ZNF365: variants seen among roughly 807,000 people sequenced by gnomAD.
ZNF365 encodes protein ZNF365.
A neutral mutation model predicts 35.0 loss-of-function variants in ZNF365; 22 were observed. The ratio of observed to expected loss-of-function variants is 0.63; its 90% confidence interval spans 0.45 to 0.90. The LOEUF is 0.90. Among genes scored for constraint, ZNF365 ranks in the 40% least tolerant of loss-of-function variants. The pLI, the probability that ZNF365 is intolerant of heterozygous loss-of-function variation, is 0.00. For synonymous variants in ZNF365, 188 were observed against 196.2 expected (o/e 0.96, Z 0.35); for missense variants, 448 against 500.3 (o/e 0.90, Z 1.00).
chr10:62,392,454 C>T (rs889050243), intron 3 of ZNF365, among the ~76,000 whole-genome samples: 1 of 152,132 alleles, frequency 6.6e-6, no homozygotes, highest in Non-Finnish European at 1.5e-5. Context: ...TTCTTCTACA[C>T]GTGGCTTGCC....
At chr10:62,464,920 C>A (rs1213806998) in intron 4 of ZNF365, among the ~76,000 whole-genome samples, 1 of 152,226 alleles carries the variant, frequency 6.6e-6, no homozygotes, top group Non-Finnish European at 1.5e-5. Context: ...CAGAGCTGTG[C>A]ACTCTGCAGC....
chr10:62,473,043 C>T (rs1322138578), intron 4 of ZNF365, among the ~76,000 whole-genome samples: 2 of 152,026 alleles, frequency 1.3e-5, no homozygotes, highest in African/African-American at 4.8e-5. Flanking sequence ...GTTTTTATTT[C>T]GTTTCATCGG....
chr10:62,404,413 A>G (rs1839874864), downstream of ZNF365, among the ~76,000 whole-genome samples: 1 of 152,248 alleles, frequency 6.6e-6, no homozygotes, highest in Non-Finnish European at 1.5e-5. Flanking sequence ...TACTAAATGT[A>G]AAATTTCTAA....
intron 3 of ZNF365, among the ~76,000 whole-genome samples, chr10:62,409,699 A>G (rs1466931567): frequency 6.6e-6 from 1 of 152,140 alleles, no homozygotes. Flanking sequence ...GTTTGGCTCA[A>G]TAGCTTAAAC....
intron 4 of ZNF365, among the ~76,000 whole-genome samples, chr10:62,463,264 G>A (rs1198309208): frequency 1.3e-5 from 2 of 152,198 alleles, no homozygotes; most frequent in Admixed American, 6.5e-5. Flanking sequence ...AACTTGAATG[G>A]CTAATTACTG....
intron 3 of ZNF365, among the ~76,000 whole-genome samples, chr10:62,415,632 T>C (rs1158045542): frequency 6.6e-6 from 1 of 152,192 alleles, no homozygotes. Context: ...ATGAAAAGCA[T>C]GCTACTTTGT....
chr10:62,451,886 AG>A (rs1368857728), intron 3 of ZNF365, among the ~76,000 whole-genome samples: 1 of 152,240 alleles, frequency 6.6e-6, no homozygotes, highest in Non-Finnish European at 1.5e-5. Flanking sequence ...TAATGTGACA[AG>A]GAATTTTTTC....
downstream of ZNF365, among the ~76,000 whole-genome samples, chr10:62,402,789 A>T (rs919579466): frequency 1.3e-5 from 2 of 152,240 alleles, no homozygotes; most frequent in Non-Finnish European, 2.9e-5. Flanking sequence ...CAGATTTCAC[A>T]GTATATATCC....
At chr10:62,387,990 T>C (rs1260268591) in intron 2 of ZNF365, among the ~76,000 whole-genome samples, 1 of 152,198 alleles carries the variant, frequency 6.6e-6, no homozygotes, top group African/African-American at 2.4e-5. Flanking sequence ...CTCAGACCCA[T>C]CTGCTGTCCC....
At chr10:62,479,784 A>C in intron 4 of ZNF365, 1 of 885,492 alleles carries the variant, frequency 1.1e-6, no homozygotes, top group Non-Finnish European at 1.9e-6. Flanking sequence ...GCCAGGACCC[A>C]TGGTTGAAAC....
chr10:62,407,650 C>A (rs544549888), intron 3 of ZNF365, among the ~76,000 whole-genome samples: 2 of 152,308 alleles, frequency 1.3e-5, no homozygotes, highest in South Asian at 4.2e-4. Context: ...CTGCTGCAAA[C>A]CCTGCTGTCT....
At chr10:62,409,452 C>A (rs1254300543) in intron 3 of ZNF365, among the ~76,000 whole-genome samples, 1 of 152,138 alleles carries the variant, frequency 6.6e-6, no homozygotes, top group Non-Finnish European at 1.5e-5. Context: ...TTGCCTGCAA[C>A]TAAGAACCCT....
exon 5 of ZNF365, chr10:62,480,019 C>T: frequency 6.7e-7 from 1 of 1,482,926 alleles, no homozygotes; most frequent in Non-Finnish European, 9.0e-7. Context: ...ACTCCAGGAA[C>T]TTTACAAGAA....
intron 2 of ZNF365, among the ~76,000 whole-genome samples, chr10:62,386,734 G>A (rs529298696): frequency 3.2e-4 from 48 of 152,276 alleles, no homozygotes; most frequent in African/African-American, 1.1e-3. Context: ...ATTTTGCAAA[G>A]ATCTTATGTA....
At chr10:62,460,218 G>A (rs1840825437) in intron 4 of ZNF365, among the ~76,000 whole-genome samples, 2 of 151,852 alleles carry the variant, frequency 1.3e-5, no homozygotes, top group Non-Finnish European at 2.9e-5. Flanking sequence ...CTGACAATAA[G>A]TCAAAAAATA....
chr10:62,413,634 AG>A (rs1840024107), intron 3 of ZNF365, among the ~76,000 whole-genome samples: 1 of 151,780 alleles, frequency 6.6e-6, no homozygotes, highest in Non-Finnish European at 1.5e-5. Flanking sequence ...AATGTTCTGT[AG>A]TCCAGCAGTA....
At chr10:62,380,883 G>T (rs7091588) in intron 2 of ZNF365, among the ~76,000 whole-genome samples, 60,593 of 151,984 alleles carry the variant, frequency 0.4, 12,694 homozygotes, top group African/African-American at 0.51. Flanking sequence ...TGGAAAATTT[G>T]AGTATAATAA....
chr10:62,450,449 A>G (rs953960290), intron 3 of ZNF365, among the ~76,000 whole-genome samples: 3 of 152,212 alleles, frequency 2.0e-5, no homozygotes, highest in Non-Finnish European at 4.4e-5. Flanking sequence ...TACCTGGTTT[A>G]ATGCTCTGAG....
intron 3 of ZNF365, among the ~76,000 whole-genome samples, chr10:62,443,679 C>A (rs1231788567): frequency 6.6e-6 from 1 of 152,096 alleles, no homozygotes; most frequent in East Asian, 1.9e-4. Context: ...AAACAACTGG[C>A]AAATAATAGC....
Sources: gnomAD v4.1 joint callset for allele counts (sites outside exome capture counted in the v4.1 genomes callset) on GRCh38, gnomAD v4.1.1 for gene constraint, MANE v1.5 for transcripts, NCBI Gene and HGNC (gene_info 2026-07-23, HGNC 2026-07-21) for gene names.